Variants in SLC8A1 observed in about 807,000 individuals in gnomAD.
The protein encoded by SLC8A1 is sodium/calcium exchanger 1.
Under a neutral mutation model 68.3 loss-of-function variants are expected in SLC8A1, and 18 were observed. The ratio of observed to expected loss-of-function variants is 0.26; its 90% CI spans 0.18 to 0.39. The LOEUF (loss-of-function observed/expected upper bound fraction) is 0.39, where lower values mean the gene tolerates loss of function less well. Ranked by LOEUF, SLC8A1 falls within the 10% of genes least tolerant of loss-of-function variation. The probability of loss-of-function intolerance (pLI) is 1.00; values close to 1 mark genes in which losing one functional copy is unlikely to be tolerated. For synonymous variants in SLC8A1, 475 were observed against 415.5 expected, an observed-to-expected ratio of 1.14 and a Z score of -1.74; for missense variants, 985 against 1,156.7, an observed-to-expected ratio of 0.85 and a Z score of 2.15.
intron 2 of SLC8A1, among the ~76,000 whole-genome samples, chr2:40,205,326 T>C (rs986318166): frequency 1.3e-5 from 2 of 152,042 alleles, no homozygotes; most frequent in Non-Finnish European, 2.9e-5. Context: ...CTCTAGCCTA[T>C]TGACCCATTT....
At chr2:40,293,469 T>G (rs1319328931) in intron 2 of SLC8A1, among the ~76,000 whole-genome samples, 3 of 152,224 alleles carry the variant, frequency 2.0e-5, no homozygotes, top group African/African-American at 7.2e-5. Flanking sequence ...CTTTAGAGTT[T>G]GTATACTAGT....
intron 2 of SLC8A1, among the ~76,000 whole-genome samples, chr2:40,262,011 G>A (rs376760763): frequency 4.0e-5 from 6 of 150,244 alleles, no homozygotes; most frequent in East Asian, 3.9e-4. Flanking sequence ...TGGCCAGGCC[G>A]GAGTGCAGTG....
chr2:40,157,450 T>G (rs2044761447), intron 6 of SLC8A1, among the ~76,000 whole-genome samples: 1 of 152,094 alleles, frequency 6.6e-6, no homozygotes, highest in Non-Finnish European at 1.5e-5. Context: ...CATTCTCTCC[T>G]TTGCCTCACC....
At chr2:40,351,470 G>C (rs1055732647) in intron 2 of SLC8A1, among the ~76,000 whole-genome samples, 2 of 151,772 alleles carry the variant, frequency 1.3e-5, no homozygotes, top group African/African-American at 2.4e-5. Flanking sequence ...TTTTTCCACA[G>C]AGACTTCCTT....
intron 2 of SLC8A1, among the ~76,000 whole-genome samples, chr2:40,238,914 AC>A (rs1207554993): frequency 2.0e-5 from 3 of 152,112 alleles, no homozygotes; most frequent in Non-Finnish European, 4.4e-5. Flanking sequence ...AACTGCAGTA[AC>A]CTTTTAAATG....
Position 40,459,992 on chromosome 2 carries a change from C to G in SLC8A1, c.-24-29688G>C, listed in dbSNP as rs1023217628. Among the ~76,000 whole-genome samples the G allele has an allele frequency of 4.0e-5, 6 of 151,768 alleles. No individual in the cohort carries two copies. The East Asian group carries it at 7.7e-4, about 20-fold the overall frequency. On this transcript the variant is annotated intron_variant, in intron 1 of 7. Coordinates refer to the SLC8A1 transcript ENST00000402441. ...AATACCCATGAAAATCATAGCTGAC[C>G]TCTTGTTTTTGTAAATGTTATTTAA...
chr2:40,387,913 G>T (rs1250825101), intron 2 of SLC8A1, among the ~76,000 whole-genome samples: 2 of 142,360 alleles, frequency 1.4e-5, no homozygotes, highest in African/African-American at 5.3e-5. Flanking sequence ...CTCCAGTCTG[G>T]GCTACAGAAA....
Position 40,308,196 on chromosome 2 carries a change from G to A in SLC8A1, c.1808+120277C>T, listed in dbSNP as rs1186839485. On this transcript the variant is annotated intron_variant, in intron 2 of 7. Coordinates refer to ENST00000406785, the Ensembl canonical transcript of SLC8A1. ...TTTTGCTAATTTCTGAGGAGAAGGTGCCTCATGATTCGTGGCAGTGACATT... is the reference window on the plus strand; with the variant it reads ...TTTTGCTAATTTCTGAGGAGAAGGTACCTCATGATTCGTGGCAGTGACATT... Among the ~76,000 whole-genome samples, 3 of 152,098 alleles carry A rather than the reference G, an allele frequency of 2.0e-5. No homozygotes were observed. In the East Asian group the frequency reaches 5.8e-4, roughly 29 times the overall value.
At chr2:40,296,896 C>CTATG (rs1330856976) in intron 2 of SLC8A1, among the ~76,000 whole-genome samples, 1 of 152,148 alleles carries the variant, frequency 6.6e-6, no homozygotes, top group Non-Finnish European at 1.5e-5. Context: ...AAGGACTGTT[C>CTATG]TATGGCTCTC....
At chr2:40,333,641 A>G (rs2076668879) in intron 2 of SLC8A1, among the ~76,000 whole-genome samples, 1 of 152,126 alleles carries the variant, frequency 6.6e-6, no homozygotes, top group Non-Finnish European at 1.5e-5. Context: ...TATCTTCTTA[A>G]TAGTATAAAC....
At chr2:40,495,965 A>G (rs1223266654) in intron 1 of SLC8A1, among the ~76,000 whole-genome samples, 1 of 152,124 alleles carries the variant, frequency 6.6e-6, no homozygotes, top group Admixed American at 6.6e-5. Context: ...TCTGTCTATC[A>G]ATCATTTATC....
chr2:40,510,688 G>C (rs950561218), intron 1 of SLC8A1, among the ~76,000 whole-genome samples: 1 of 152,034 alleles, frequency 6.6e-6, no homozygotes, highest in Non-Finnish European at 1.5e-5. Context: ...AGAAGGCATA[G>C]TTTATTCTCT....
At chr2:40,495,470 T>A (rs1008068214) in intron 1 of SLC8A1, among the ~76,000 whole-genome samples, 2 of 152,056 alleles carry the variant, frequency 1.3e-5, no homozygotes, top group Non-Finnish European at 2.9e-5. Context: ...TCCTTATGTT[T>A]TCATCAGATG....
At chr2:40,178,320 G>T in intron 2 of SLC8A1, 67 bp downstream of exon 3, 3 of 1,134,784 alleles carry the variant, frequency 2.6e-6, no homozygotes, top group Non-Finnish European at 4.0e-6. Flanking sequence ...TCTGAAGAGT[G>T]CAGGCATCCA....
intron 2 of SLC8A1, among the ~76,000 whole-genome samples, chr2:40,383,469 T>C (rs1164921565): frequency 6.7e-6 from 1 of 149,642 alleles, no homozygotes; most frequent in Non-Finnish European, 1.5e-5. Flanking sequence ...ATCACTCAAG[T>C]TTAGTAATAA....
intron 1 of SLC8A1, among the ~76,000 whole-genome samples, chr2:40,466,944 A>C (rs1232187366): frequency 1.4e-5 from 2 of 148,138 alleles, no homozygotes; most frequent in African/African-American, 5.0e-5. Flanking sequence ...AGATTAGTAA[A>C]TTAAATACCT....
chr2:40,189,182 G>C (rs928429340), intron 2 of SLC8A1, among the ~76,000 whole-genome samples: 1 of 152,042 alleles, frequency 6.6e-6, no homozygotes, highest in Non-Finnish European at 1.5e-5. Flanking sequence ...TTCTGTCCTT[G>C]TCTATATGAA....
At chr2:40,478,774 GTT>G (rs760505178) in intron 1 of SLC8A1, among the ~76,000 whole-genome samples, 8 of 133,922 alleles carry the variant, frequency 6.0e-5, no homozygotes, top group Non-Finnish European at 3.3e-5. Context: ...TAATTTGTTT[GTT>G]TTTTTTTTTT....
At chr2:40,416,386 A>G (rs984895794) in intron 2 of SLC8A1, among the ~76,000 whole-genome samples, 4 of 152,176 alleles carry the variant, frequency 2.6e-5, no homozygotes, top group African/African-American at 4.8e-5. Context: ...CTATTTTTAT[A>G]TATTTGTTGT....
Sources: gnomAD v4.1 joint callset for allele counts (sites outside exome capture counted in the v4.1 genomes callset) on GRCh38, gnomAD v4.1.1 for gene constraint, MANE v1.5 for transcripts, NCBI Gene and HGNC (gene_info 2026-07-23, HGNC 2026-07-21) for gene names.